LYPLAL1: variants seen among roughly 807,000 people sequenced by gnomAD.
LYPLAL1 encodes lysophospholipase-like protein 1.
A neutral mutation model predicts 19.7 loss-of-function variants in LYPLAL1; 23 were observed. The ratio of observed to expected loss-of-function variants is 1.17; its 90% confidence interval spans 0.84 to 1.65. LYPLAL1 has a LOEUF of 1.65. Among genes scored for constraint, LYPLAL1 ranks in the 40% most tolerant of loss-of-function variants. The probability of loss-of-function intolerance (pLI) is 0.00; values close to 1 mark genes in which losing one functional copy is unlikely to be tolerated. For synonymous variants in LYPLAL1, 119 were observed against 96.3 expected (o/e 1.24, Z -1.38); for missense variants, 355 against 279.4 (o/e 1.27, Z -1.93).
At chr1:219,407,255 T>C in the LYPLAL1 span, among the ~76,000 whole-genome samples, 2 of 152,058 alleles carry the variant, frequency 1.3e-5, no homozygotes, top group South Asian at 4.1e-4. Context: ...TTCAAAGAAA[T>C]GGTGATGCTT....
At chr1:219,255,256 C>T in the LYPLAL1 span, among the ~76,000 whole-genome samples, 2 of 151,594 alleles carry the variant, frequency 1.3e-5, no homozygotes, top group Non-Finnish European at 3.0e-5. Context: ...TTATTTAGAA[C>T]TACTTTAATT....
the LYPLAL1 span, among the ~76,000 whole-genome samples, chr1:219,402,094 A>C: frequency 6.6e-6 from 1 of 152,222 alleles, no homozygotes; most frequent in Non-Finnish European, 1.5e-5. Flanking sequence ...GCTGGCAATA[A>C]AAAGCTTGGT....
the LYPLAL1 span, among the ~76,000 whole-genome samples, chr1:219,340,186 G>A: frequency 9.9e-5 from 15 of 151,896 alleles, no homozygotes; most frequent in Admixed American, 3.9e-4. Context: ...AATTACTATC[G>A]TTGTGGGTAT....
chr1:219,303,141 C>T, the LYPLAL1 span, among the ~76,000 whole-genome samples: 1 of 152,158 alleles, frequency 6.6e-6, no homozygotes, highest in Non-Finnish European at 1.5e-5. Flanking sequence ...TAGGTCTTCC[C>T]TTGAATCTTA....
the LYPLAL1 span, among the ~76,000 whole-genome samples, chr1:219,338,862 T>C: frequency 0.077 from 11,617 of 151,780 alleles, 546 homozygotes; most frequent in South Asian, 0.14. Flanking sequence ...TGGACATAAT[T>C]ATTTTAATAA....
chr1:219,335,060 C>CGTATATGCATTTCTCCGT, the LYPLAL1 span, among the ~76,000 whole-genome samples: 1 of 151,950 alleles, frequency 6.6e-6, no homozygotes, highest in Non-Finnish European at 1.5e-5. Flanking sequence ...ACATTTCCTC[C>CGTATATGCATTTCTCCGT]ATATACAGAA....
the LYPLAL1 span, among the ~76,000 whole-genome samples, chr1:219,232,975 T>G: frequency 6.6e-6 from 1 of 152,164 alleles, no homozygotes; most frequent in South Asian, 2.1e-4. Context: ...GAAAACAATA[T>G]TCCAGTTCCT....
chr1:219,373,938 A>G, the LYPLAL1 span, among the ~76,000 whole-genome samples: 3 of 151,898 alleles, frequency 2.0e-5, no homozygotes, highest in African/African-American at 7.2e-5. Context: ...CTAAAAAAAT[A>G]AAACCAAACC....
At chr1:219,426,394 T>C in the LYPLAL1 span, among the ~76,000 whole-genome samples, 1 of 152,124 alleles carries the variant, frequency 6.6e-6, no homozygotes. Context: ...AGAAGTTTCA[T>C]AGGAAAAAAA....
At chr1:219,229,523 G>A in the LYPLAL1 span, among the ~76,000 whole-genome samples, 2 of 152,084 alleles carry the variant, frequency 1.3e-5, no homozygotes, top group African/African-American at 4.8e-5. Flanking sequence ...CGATTCTTCC[G>A]GTAAACCAGG....
chr1:219,291,328 T>C, the LYPLAL1 span, among the ~76,000 whole-genome samples: 1 of 152,250 alleles, frequency 6.6e-6, no homozygotes, highest in African/African-American at 2.4e-5. Context: ...CTATTAAATG[T>C]GGAAGAAAAT....
the LYPLAL1 span, among the ~76,000 whole-genome samples, chr1:219,373,929 T>TA: frequency 6.8e-6 from 1 of 146,970 alleles, no homozygotes; most frequent in African/African-American, 2.5e-5. Context: ...GGAAGACAGC[T>TA]AAAAAAATAA....
At chr1:219,214,320 G>A (rs1273396804), downstream of LYPLAL1, among the ~76,000 whole-genome samples, 1 of 151,966 alleles carries the variant, frequency 6.6e-6, no homozygotes, top group Non-Finnish European at 1.5e-5. Flanking sequence ...GAAAGATTTT[G>A]GTCTGCAGTT....
At chr1:219,198,426 G>C (rs1657792033) in intron 3 of LYPLAL1, 1 of 151,768 alleles carries the variant, frequency 6.6e-6, no homozygotes, top group African/African-American at 2.4e-5. Flanking sequence ...GTATAGTTTA[G>C]AATTAATTTT....
intron 3 of LYPLAL1, among the ~76,000 whole-genome samples, chr1:219,202,717 G>A (rs1489846595): frequency 6.6e-6 from 1 of 152,074 alleles, no homozygotes; most frequent in Non-Finnish European, 1.5e-5. Context: ...TTGCTGTGTT[G>A]CCCAGGCTGA....
the LYPLAL1 span, among the ~76,000 whole-genome samples, chr1:219,313,529 CT>C: frequency 0.75 from 109,539 of 146,738 alleles, 41,123 homozygotes; most frequent in East Asian, 0.96. Flanking sequence ...TTTAAAAAAA[CT>C]TTTTTTTTTT....
the LYPLAL1 span, among the ~76,000 whole-genome samples, chr1:219,401,350 T>TTTTTTTTTTTTTTTTTTTTTTTGAG: frequency 6.7e-6 from 1 of 148,668 alleles, no homozygotes; most frequent in Non-Finnish European, 1.5e-5. Flanking sequence ...TTTCTTTTTT[T>TTTTTTTTTTTTTTTTTTTTTTTGAG]AATTGCCACT....
the LYPLAL1 span, among the ~76,000 whole-genome samples, chr1:219,287,936 C>G: frequency 6.6e-6 from 1 of 152,194 alleles, no homozygotes; most frequent in Non-Finnish European, 1.5e-5. Context: ...CTTGCTTCCC[C>G]TTTGCCTTCT....
chr1:219,309,573 G>A, the LYPLAL1 span, among the ~76,000 whole-genome samples: 1 of 152,072 alleles, frequency 6.6e-6, no homozygotes, highest in Non-Finnish European at 1.5e-5. Context: ...TCATGGAGGA[G>A]GTGTCCCCCA....
Sources: allele counts gnomAD v4.1 joint callset (sites outside exome capture counted in the v4.1 genomes callset), GRCh38; gene constraint gnomAD v4.1.1; transcripts MANE v1.5; gene names NCBI Gene and HGNC (gene_info 2026-07-23, HGNC 2026-07-21).